Variants in RYR2 observed in about 807,000 individuals in gnomAD.
RYR2 encodes cardiac muscle ryanodine receptor-calcium release channel.
Under a neutral mutation model 601.1 loss-of-function variants are expected in RYR2, and 227 were observed. That is an observed-to-expected ratio of 0.38 (90% CI 0.34 to 0.42). The LOEUF (loss-of-function observed/expected upper bound fraction) is 0.42. RYR2 is among the 10% of genes least tolerant of loss of function. The pLI is 1.00. For synonymous variants in RYR2, 2,223 were observed against 2,175.1 expected (o/e 1.02, Z -0.61); for missense variants, 4,646 against 6,156.5 (o/e 0.75, Z 8.21).
chr1:237,325,436 C>T (rs1472715378), intron 2 of RYR2, among the ~76,000 whole-genome samples: 1 of 152,060 alleles, frequency 6.6e-6, no homozygotes, highest in East Asian at 1.9e-4. Context: ...GGCCTGTAAT[C>T]CCAGCACTTT....
At chr1:237,676,406 C>G (rs1161473912) in intron 60 of RYR2, among the ~76,000 whole-genome samples, 1 of 152,116 alleles carries the variant, frequency 6.6e-6, no homozygotes, top group Non-Finnish European at 1.5e-5. Context: ...CCACTTGACA[C>G]ATTTCATTCT....
At chr1:237,423,353 T>G (rs898195458) in intron 12 of RYR2, 105 bp downstream of exon 12, 8 of 1,279,038 alleles carry the variant, frequency 6.3e-6, no homozygotes, top group Non-Finnish European at 7.5e-6. Flanking sequence ...TGTAAGTATG[T>G]CTTATGTGTA....
intron 3 of RYR2, among the ~76,000 whole-genome samples, chr1:237,339,954 A>G (rs555715750): frequency 1.3e-5 from 2 of 152,298 alleles, no homozygotes; most frequent in African/African-American, 4.8e-5. Flanking sequence ...GGCCAGCACA[A>G]CTGGCTCCGA....
At chr1:237,712,939 C>T (rs1688963525) in intron 71 of RYR2, among the ~76,000 whole-genome samples, 1 of 152,234 alleles carries the variant, frequency 6.6e-6, no homozygotes. Context: ...TTAGCCTCTA[C>T]TGACTCAATA....
chr1:237,739,495 C>T (rs1691429311), intron 79 of RYR2, among the ~76,000 whole-genome samples: 1 of 152,170 alleles, frequency 6.6e-6, no homozygotes, highest in Admixed American at 6.5e-5. Context: ...AAGATATCTG[C>T]AATGATATCA....
chr1:237,327,601 T>A (rs1475706342), intron 2 of RYR2, among the ~76,000 whole-genome samples: 1 of 152,200 alleles, frequency 6.6e-6, no homozygotes, highest in Non-Finnish European at 1.5e-5. Flanking sequence ...ATTATAGATT[T>A]GTGTTTTCAA....
chr1:237,642,274 G>A (rs1400035800), intron 47 of RYR2, among the ~76,000 whole-genome samples: 1 of 152,168 alleles, frequency 6.6e-6, no homozygotes, highest in African/African-American at 2.4e-5. Flanking sequence ...TGTGAACAAA[G>A]AGGAGTCACA....
At chr1:237,658,076 G>T in intron 54 of RYR2, 54 bp downstream of exon 54, 2 of 1,011,704 alleles carry the variant, frequency 2.0e-6, no homozygotes, top group Non-Finnish European at 2.8e-6. Context: ...ACTGGTCACT[G>T]TTCAAATATT....
At chr1:237,501,035 T>G in intron 21 of RYR2, 132 bp downstream of exon 21, 1 of 852,848 alleles carries the variant, frequency 1.2e-6, no homozygotes, top group Non-Finnish European at 1.9e-6. Context: ...TCTGCGCATT[T>G]TGCCTGTGCC....
intron 21 of RYR2, among the ~76,000 whole-genome samples, chr1:237,501,710 C>T (rs982571474): frequency 7.2e-5 from 11 of 152,158 alleles, no homozygotes; most frequent in African/African-American, 2.2e-4. Flanking sequence ...TAGCTATCCA[C>T]GTACCAGTTA....
intron 1 of RYR2, among the ~76,000 whole-genome samples, chr1:237,263,259 C>T (rs995264912): frequency 6.6e-6 from 1 of 152,174 alleles, no homozygotes; most frequent in Admixed American, 6.5e-5. Flanking sequence ...TAAAAAGAGA[C>T]TCCATCTGTC....
rs112814087 is a variant in RYR2, at chr1:237,369,226, T to C, written c.310-308T>C. Among the ~76,000 whole-genome samples the C allele has an allele frequency of 4.6e-3, 702 of 152,238 alleles. 8 individuals are homozygous for C. Among genetic ancestry groups the C allele is most frequent in the African/African-American group, 0.016 (677 of 41,550 alleles). ...CATGGTTCCCACCCAGTGGAAACCA[T>C]AATATAATGGGAAAGAGATTATTAT... On this transcript the variant is annotated intron_variant, in intron 5 of 104. Coordinates refer to ENST00000366574, the MANE Select transcript of RYR2 (RefSeq NM_001035.3).
chr1:237,145,284 G>A (rs116152207), intron 1 of RYR2, among the ~76,000 whole-genome samples: 350 of 151,844 alleles, frequency 2.3e-3, no homozygotes, highest in African/African-American at 8.2e-3. Context: ...CTAGCCGTTT[G>A]CAATTAGCAT....
At chr1:237,148,521 A>ATAT (rs1417305977) in intron 1 of RYR2, among the ~76,000 whole-genome samples, 1 of 44,012 alleles carries the variant, frequency 2.3e-5, no homozygotes, top group Non-Finnish European at 4.7e-5. Flanking sequence ...CAAGTAAAAA[A>ATAT]AAAAAAATAT....
At chr1:237,052,850 C>CATTT (rs1429142282) in intron 1 of RYR2, among the ~76,000 whole-genome samples, 1 of 151,970 alleles carries the variant, frequency 6.6e-6, no homozygotes, top group South Asian at 2.1e-4. Flanking sequence ...TGTTTTATTT[C>CATTT]ATTTATTTAT....
At position 237,496,767 on chromosome 1, in the gene RYR2, T is replaced by C. The variant is rs756878079; in HGVS notation, c.2203+15T>C. ...TCTCTGGTCAGGTACGTACTATCCA[T>C]TTTCTTTCACCGTGTTCCAGAAGAT... On this transcript the variant is annotated intron_variant, in intron 20 of 104. Coordinates refer to ENST00000366574, the MANE Select transcript of RYR2 (RefSeq NM_001035.3). 2 of 1,595,772 alleles carry C rather than the reference T, an allele frequency of 1.3e-6. No homozygotes were observed.
rs75797303 is a variant in RYR2, at chr1:237,461,308, C to T, written c.1612+4573C>T. On this transcript the variant is annotated intron_variant, in intron 16 of 104. Transcript: ENST00000366574. Reference sequence around the variant, plus strand: ...ATATGGTAAAATTTGTGGTTAATCTCTTTACCTCCACTCCTTCTCTTCTCC... The same window carrying T: ...ATATGGTAAAATTTGTGGTTAATCTTTTTACCTCCACTCCTTCTCTTCTCC... Among the ~76,000 whole-genome samples, 1,015 of 152,270 alleles carry T rather than the reference C, an allele frequency of 6.7e-3. 2 individuals are homozygous for T. The highest frequency in any genetic ancestry group is 0.011 in the Non-Finnish European group (763 of 68,026).
chr1:237,768,486 G>A (rs1227897978), intron 84 of RYR2, among the ~76,000 whole-genome samples: 1 of 152,066 alleles, frequency 6.6e-6, no homozygotes, highest in East Asian at 1.9e-4. Context: ...AAAATCTTAA[G>A]CCTCTTATAA....
At position 237,550,599 on chromosome 1, in the gene RYR2, G is replaced by C. The variant is rs773781713; in HGVS notation, c.3122G>C (p.Arg1041Pro). Reference protein sequence around the residue: ...RLVPYTLLDDRTKKSNKDSLR... With the variant: ...RLVPYTLLDDPTKKSNKDSLR... Reference sequence around the variant, plus strand: ...GTTCCCTACACTCTTCTGGATGACCGAACCAAGAAATCCAACAAGGACAGC... The same window carrying C: ...GTTCCCTACACTCTTCTGGATGACCCAACCAAGAAATCCAACAAGGACAGC... The change falls in exon 27 of 105, where the codon CGA becomes CCA. Residue 1041 changes from arginine to proline, a missense_variant. Physicochemically the swap from Arg to Pro is moderately radical, Grantham distance 103. This residue lies in a region of RYR2 where 1,807 missense variants were observed against 2,088.1 expected (regional missense o/e 0.87). Coordinates refer to ENST00000366574, the MANE Select transcript of RYR2 (RefSeq NM_001035.3). The C allele has an allele frequency of 6.2e-7, 1 of 1,604,630 alleles. No individual in the cohort carries two copies. The highest frequency in any genetic ancestry group is 1.7e-5 in the Admixed American group (1 of 58,562).
Sources: allele counts gnomAD v4.1 joint callset (sites outside exome capture counted in the v4.1 genomes callset), GRCh38; gene constraint gnomAD v4.1.1; regional missense constraint gnomAD v4.1.1; transcripts MANE v1.5; gene names NCBI Gene and HGNC (gene_info 2026-07-23, HGNC 2026-07-21).